ZNF554: variants seen among roughly 807,000 people sequenced by gnomAD.
The protein encoded by ZNF554 is zinc finger protein 554.
A neutral mutation model predicts 21.2 loss-of-function variants in ZNF554; 15 were observed. That is an observed-to-expected ratio of 0.71 (90% CI 0.47 to 1.09). The LOEUF (loss-of-function observed/expected upper bound fraction) is 1.09. Ranked by LOEUF, ZNF554 falls within the 50% of genes least tolerant of loss-of-function variation. ZNF554 has a pLI of 0.00. For missense variants in ZNF554, 691 were observed against 662.7 expected (o/e 1.04, Z -0.47); for synonymous variants, 258 against 251.4 (o/e 1.03, Z -0.25).
At chr19:2,831,452 A>G (rs2087416961) in intron 3 of ZNF554, 2 of 150,950 alleles carry the variant, frequency 1.3e-5, no homozygotes, top group African/African-American at 4.9e-5. Flanking sequence ...CTGCCACCAC[A>G]CCCGGCTAAT....
rs201277683 is a variant in ZNF554, at chr19:2,823,117, G to C, written c.126+5G>C. On this transcript the variant is annotated splice_donor_5th_base_variant and intron_variant, in intron 2 of 4. Transcript: ENST00000317243. The stretch of plus-strand genomic sequence containing the variant: ...TACCTGCCCCGCTGGTCCCAGGTGA[G>C]ATGTCCTCATTCTCCCAAAGGGCAC... 23 of 1,611,818 alleles carry C rather than the reference G, an allele frequency of 1.4e-5. No homozygotes were observed. The highest frequency in any genetic ancestry group is 2.0e-5 in the Non-Finnish European group (23 of 1,178,450).
intron 2 of ZNF554, among the ~76,000 whole-genome samples, 154 bp from the exon 3 acceptor site, chr19:2,827,463 G>A (rs1303818761): frequency 6.6e-6 from 1 of 152,164 alleles, no homozygotes; most frequent in Non-Finnish European, 1.5e-5. Context: ...TTTAAGCCAA[G>A]GACAAGCACC....
chr19:2,823,636 T>A (rs2087291776), intron 2 of ZNF554, among the ~76,000 whole-genome samples: 1 of 152,128 alleles, frequency 6.6e-6, no homozygotes, highest in African/African-American at 2.4e-5. Context: ...CGGTAGCTCC[T>A]CTCTGAAGCT....
At chr19:2,828,677 GAAAA>G (rs35070771) in intron 3 of ZNF554, among the ~76,000 whole-genome samples, 2 of 140,092 alleles carry the variant, frequency 1.4e-5, no homozygotes, top group Non-Finnish European at 3.1e-5. Flanking sequence ...TCCGTCTCAA[GAAAA>G]AAAAAAAAAA....
In ZNF554 at chr19:2,820,092, G is replaced by A; in HGVS notation, c.21G>A (p.Leu7=). 2 of 1,216,398 alleles carry A rather than the reference G, an allele frequency of 1.6e-6. No homozygotes were observed. The highest frequency in any genetic ancestry group is 2.0e-6 in the Non-Finnish European group (2 of 977,622). 75.4% of individuals were successfully genotyped at this position (1,216,398 alleles called of 1,614,324 possible). The change falls in exon 1 of 5, where the codon CTG becomes CTA. Residue 7 remains leucine (L), a synonymous_variant. Transcript: ENST00000317243. MVTCAH[L]GRRARLPAAQ... is the part of the protein sequence containing the mutation. ...CCCCGATGGTCACCTGCGCCCACCTGGGCCGGCGCGCGCGGCTCCCGGCAG... is the reference window on the plus strand; with the variant it reads ...CCCCGATGGTCACCTGCGCCCACCTAGGCCGGCGCGCGCGGCTCCCGGCAG...
intron 3 of ZNF554, among the ~76,000 whole-genome samples, chr19:2,829,646 A>T (rs909226225): frequency 2.6e-5 from 4 of 152,158 alleles, no homozygotes; most frequent in Admixed American, 6.5e-5. Flanking sequence ...TCAAAAAAAT[A>T]AAAAAAGTAT....
At chr19:2,826,222 T>TTTTTTTTTTTAATGGGG (rs57554930) in intron 2 of ZNF554, 1 of 145,980 alleles carries the variant, frequency 6.9e-6, no homozygotes. Flanking sequence ...TTTTTTTTTT[T>TTTTTTTTTTTAATGGGG]GAAATGGAGT....
chr19:2,819,897 G>A lies in ZNF554; in HGVS notation c.-175G>A. 1 of 356,040 alleles carries A rather than the reference G, an allele frequency of 2.8e-6. No individual in the cohort carries two copies. Among genetic ancestry groups the A allele is most frequent in the East Asian group, 4.9e-5 (1 of 20,428 alleles). 22.1% of individuals were successfully genotyped at this position (356,040 alleles called of 1,614,324 possible). ...CCGAGTTTACCTCTGCGCGCGTCGG[G>A]GTTGGTGGCGGCGGCTGCGGCGAGT... On this transcript the variant is annotated 5_prime_UTR_variant, in exon 1 of 5. Transcript: ENST00000317243.
Position 2,821,761 on chromosome 19 carries a change from G to A in ZNF554, c.54-1279G>A, listed in dbSNP as rs1490679534. 6.6e-6 allele frequency among the ~76,000 whole-genome samples: 1 copy of A among 152,018 alleles called. No homozygotes were observed. The highest frequency in any genetic ancestry group is 1.5e-5 in the Non-Finnish European group (1 of 68,006). ...GGCTCACTGCAATCTCTACCCCACAGGATCAAGCAATTCTGCCTCAGCCTC... is the reference window on the plus strand; with the variant it reads ...GGCTCACTGCAATCTCTACCCCACAAGATCAAGCAATTCTGCCTCAGCCTC... On this transcript the variant is annotated intron_variant, in intron 1 of 4. Coordinates refer to ENST00000317243, the MANE Select transcript of ZNF554 (RefSeq NM_001102651.2). This position sits in a 1 kb window ranked among gnomAD's most constrained non-coding sequence, Gnocchi z 8.2.
At chr19:2,830,232 G>A (rs961934900) in intron 3 of ZNF554, among the ~76,000 whole-genome samples, 1 of 152,158 alleles carries the variant, frequency 6.6e-6, no homozygotes, top group African/African-American at 2.4e-5. Context: ...ACCGTGCCCG[G>A]CAGACATTTC....
rs1379227842 is a variant in ZNF554 at position 2,836,631 on chromosome 19, TTG to T, written c.*1783_*1784del. ...TGGGGTGTTCCAATTATGTGTGATTTTGTGTTTTCTGCCGTTTCATTTTGTAT... is the reference window on the plus strand; with the variant it reads ...TGGGGTGTTCCAATTATGTGTGATTTTGTTTTCTGCCGTTTCATTTTGTAT... On this transcript the variant is annotated 3_prime_UTR_variant, in exon 5 of 5. Coordinates refer to ENST00000317243, the MANE Select transcript of ZNF554 (RefSeq NM_001102651.2). 6.6e-6 allele frequency among the ~76,000 whole-genome samples: 1 copy of T among 152,216 alleles called. No individual in the cohort carries two copies. The highest frequency in any genetic ancestry group is 2.4e-5 in the African/African-American group (1 of 41,450).
intron 3 of ZNF554, among the ~76,000 whole-genome samples, chr19:2,829,552 G>A (rs563462031): frequency 2.9e-4 from 44 of 151,938 alleles, no homozygotes; most frequent in African/African-American, 7.7e-4. Flanking sequence ...CAGGAGAATC[G>A]CTTGAACCCA....
intron 3 of ZNF554, among the ~76,000 whole-genome samples, chr19:2,828,922 C>G (rs1453409419): frequency 6.6e-6 from 1 of 152,144 alleles, no homozygotes; most frequent in Non-Finnish European, 1.5e-5. Flanking sequence ...AGGTACCTCC[C>G]TTGACACGTG....
At chr19:2,831,789 GT>G (rs559975488) in intron 3 of ZNF554, 3 of 149,720 alleles carry the variant, frequency 2.0e-5, no homozygotes, top group Admixed American at 6.7e-5. Context: ...TTTGTTTTTG[GT>G]TTTTTTTTGG....
At chr19:2,820,270 C>T in intron 1 of ZNF554, 146 bp downstream of exon 1, 1 of 771,030 alleles carries the variant, frequency 1.3e-6, no homozygotes, top group Non-Finnish European at 1.7e-6. Flanking sequence ...GGCAGCTCGC[C>T]CAGGGCCCCA....
rs1042181321 is a variant in ZNF554 at position 2,835,648 on chromosome 19, G to T, written c.*796G>T. On this transcript the variant is annotated 3_prime_UTR_variant, in exon 5 of 5. Coordinates refer to ENST00000317243, the MANE Select transcript of ZNF554 (RefSeq NM_001102651.2). Reference sequence around the variant, plus strand: ...GTGGGAGGAGTTGCCATTACACTACGTCCAGTAAGCTCCAGACTTTCGGAA... The same window carrying T: ...GTGGGAGGAGTTGCCATTACACTACTTCCAGTAAGCTCCAGACTTTCGGAA... 1 of 152,046 alleles carries T rather than the reference G, an allele frequency of 6.6e-6. No homozygotes were observed. Among genetic ancestry groups the T allele is most frequent in the African/African-American group, 2.4e-5 (1 of 41,384 alleles). The allele number at this position is 152,046 out of a possible 1,614,324, so 9.4% of individuals were successfully genotyped here.
Position 2,832,464 on chromosome 19 carries a change from GA to G in ZNF554, c.420del (p.Gly141GlufsTer11). The G allele has an allele frequency of 6.2e-7, 1 of 1,609,186 alleles. No homozygotes were observed. Among genetic ancestry groups the G allele is most frequent in the Admixed American group, 1.7e-5 (1 of 58,504 alleles). On this transcript the variant is annotated frameshift_variant, in exon 4 of 5. Coordinates refer to ENST00000317243, the MANE Select transcript of ZNF554 (RefSeq NM_001102651.2). LOFTEE classifies it low-confidence loss of function (END_TRUNC). ...LEQREALWIEEKGTPQASCSD... is the reference protein window; with the variant it reads ...LEQREALWIEXKGTPQASCSD... ...GCAAAGAGAAGCCCTGTGGATAGAG[GA>G]AAAAGGAACTCCTCAAGCCTCCTGT...
chr19:2,820,988 C>A (rs1165103716), intron 1 of ZNF554, among the ~76,000 whole-genome samples: 1 of 151,424 alleles, frequency 6.6e-6, no homozygotes, highest in African/African-American at 2.4e-5. Flanking sequence ...TTTATACCCA[C>A]CACCCATGTT....
chr19:2,825,553 A>C (rs536774911), intron 2 of ZNF554, among the ~76,000 whole-genome samples: 3 of 152,352 alleles, frequency 2.0e-5, no homozygotes, highest in African/African-American at 7.2e-5. Flanking sequence ...TCAAAGGCCA[A>C]AGTGCTGGGA....
Sources: allele counts gnomAD v4.1 joint callset (sites outside exome capture counted in the v4.1 genomes callset), GRCh38; gene constraint gnomAD v4.1.1; non-coding constraint Gnocchi (gnomAD v3.1); transcripts MANE v1.5; gene names NCBI Gene and HGNC (gene_info 2026-07-23, HGNC 2026-07-21).